Variants in SPINK5 observed in about 807,000 individuals in gnomAD.
SPINK5 encodes serine peptidase inhibitor Kazal type 5.
A neutral mutation model predicts 151.8 loss-of-function variants in SPINK5; 125 were observed. That is an observed-to-expected ratio of 0.82 (90% CI 0.71 to 0.96). The LOEUF is 0.96. Among genes scored for constraint, SPINK5 ranks in the 40% least tolerant of loss-of-function variants. SPINK5 has a pLI of 0.00. For missense variants in SPINK5, 1,194 were observed against 1,291.9 expected (o/e 0.92, Z 1.16); for synonymous variants, 374 against 395.3 (o/e 0.95, Z 0.64).
rs578158026 is a variant in SPINK5, at chr5:148,131,260, A to C, written c.2966A>C (p.Asp989Ala). ...EDSPDSFSSL[D>A]SEMCKDYRVL... ...CTGCTTTATTTTTTGCTTCTTCAGG[A>C]TTCTGAGATGTGCAAAGACTACCGA... The change falls in exon 31 of 33, where the codon GAT (aspartate) becomes GCT (alanine). Residue 989 changes from aspartate (D) to alanine (A), a missense_variant and splice_region_variant. Physicochemically the swap from Asp to Ala is moderately radical, Grantham distance 126. Coordinates refer to ENST00000256084, the MANE Select transcript of SPINK5 (RefSeq NM_006846.4). 1.8e-5 allele frequency: 29 copies of C among 1,613,734 alleles called. No individual in the cohort carries two copies. Among genetic ancestry groups the C allele is most frequent in the Non-Finnish European group, 2.3e-5 (27 of 1,179,696 alleles).
intron 6 of SPINK5, chr5:148,088,968 C>T (rs1055800006): frequency 2.1e-6 from 1 of 474,166 alleles, no homozygotes; most frequent in African/African-American, 2.0e-5. Flanking sequence ...GGACAAATTA[C>T]TTAACCTAAA....
At chr5:148,087,926 T>A (rs1034522123) in intron 5 of SPINK5, among the ~76,000 whole-genome samples, 16 of 143,236 alleles carry the variant, frequency 1.1e-4, no homozygotes, top group Non-Finnish European at 1.8e-4. Context: ...AAATATTTAG[T>A]TTTTTTCTTT....
intron 8 of SPINK5, among the ~76,000 whole-genome samples, chr5:148,093,834 C>T (rs1753380818): frequency 6.6e-6 from 1 of 151,808 alleles, no homozygotes; most frequent in Non-Finnish European, 1.5e-5. Context: ...TTTTAATAAA[C>T]CTACCACATA....
chr5:148,086,457 C>A lies in SPINK5; in HGVS notation c.335C>A (p.Pro112His). 6.2e-7 allele frequency: 1 copy of A among 1,611,786 alleles called. No homozygotes were observed. The highest frequency in any genetic ancestry group is 8.5e-7 in the Non-Finnish European group (1 of 1,178,738). Residue 112 changes from proline (P) to histidine (H), a missense_variant, in exon 5 of 33, where the codon CCT becomes CAT. By Grantham distance (77) the Pro-to-His change is moderately conservative (BLOSUM62 -2). Transcript: ENST00000256084. ...GAAAGAGATGGGGATTTTATCTGTC[C>A]TGATTATTATGAAGCTGTTTGTGGC... ...KGERDGDFIC[P>H]DYYEAVCGTD...
At chr5:148,120,722 C>T (rs1302510286) in intron 26 of SPINK5, among the ~76,000 whole-genome samples, 1 of 152,158 alleles carries the variant, frequency 6.6e-6, no homozygotes, top group African/African-American at 2.4e-5. Flanking sequence ...TTTGCCGGAG[C>T]TCAAGTCTCA....
chr5:148,130,784 A>C (rs1325908401), intron 30 of SPINK5, among the ~76,000 whole-genome samples: 4 of 152,152 alleles, frequency 2.6e-5, no homozygotes, highest in Non-Finnish European at 5.9e-5. Context: ...TCTGGTGAGA[A>C]AATTAAGGCT....
At chr5:148,089,251 T>G in intron 6 of SPINK5, 2 of 572,890 alleles carry the variant, frequency 3.5e-6, no homozygotes, top group Non-Finnish European at 6.6e-6. Context: ...AGGACTGTGC[T>G]CTGTCTGAGT....
intron 4 of SPINK5, among the ~76,000 whole-genome samples, chr5:148,072,866 T>TAAA (rs10628434): frequency 9.7e-5 from 14 of 143,862 alleles, no homozygotes; most frequent in African/African-American, 3.6e-4. Context: ...TGTTCTCTGG[T>TAAA]AAAAAAAAAA....
chr5:148,119,969 T>G, intron 24 of SPINK5, 40 bp from the exon 25 acceptor site: 3 of 1,610,190 alleles, frequency 1.9e-6, no homozygotes, highest in Middle Eastern at 3.3e-4. Context: ...AAATATTATG[T>G]AAAAACAGCA....
chr5:148,112,163 T>C lies in SPINK5; in HGVS notation c.1820+268T>C, dbSNP rs6887442. ...CACTGGAGTTAATGGCATAAAAGGA[T>C]TAGGACTTCTGTTCTCTGCAAGCAT... On this transcript the variant is annotated intron_variant, in intron 19 of 32. Transcript: ENST00000256084. 0.15 allele frequency among the ~76,000 whole-genome samples: 23,258 copies of C among 152,128 alleles called. 2,438 individuals carry two copies. The highest frequency in any genetic ancestry group is 0.32 in the East Asian group (1,660 of 5,156).
intron 2 of SPINK5, among the ~76,000 whole-genome samples, chr5:148,065,661 A>G (rs1020913681): frequency 1.3e-5 from 2 of 152,170 alleles, no homozygotes; most frequent in African/African-American, 4.8e-5. Flanking sequence ...AAAATAAATC[A>G]ACTGGAAAAC....
chr5:148,084,619 C>T (rs1753106037), intron 4 of SPINK5, among the ~76,000 whole-genome samples: 1 of 151,826 alleles, frequency 6.6e-6, no homozygotes, highest in Admixed American at 6.6e-5. Flanking sequence ...GAGTTAATTA[C>T]TTTGATCTGT....
chr5:148,067,193 A>G (rs1256120003), intron 2 of SPINK5, among the ~76,000 whole-genome samples: 2 of 152,192 alleles, frequency 1.3e-5, no homozygotes, highest in African/African-American at 4.8e-5. Flanking sequence ...TAACACTGAG[A>G]TAGGGCAATG....
intron 15 of SPINK5, among the ~76,000 whole-genome samples, chr5:148,103,946 A>G (rs1753714248): frequency 6.6e-6 from 1 of 152,200 alleles, no homozygotes; most frequent in Non-Finnish European, 1.5e-5. Context: ...CCAATCCACC[A>G]AGCTCAATTT....
intron 4 of SPINK5, among the ~76,000 whole-genome samples, chr5:148,084,974 TTCTC>T (rs943793813): frequency 6.6e-6 from 1 of 151,666 alleles, no homozygotes; most frequent in Non-Finnish European, 1.5e-5. Context: ...TTCCATTTTT[TTCTC>T]TCTCTCTCTT....
chr5:148,072,244 G>A, intron 4 of SPINK5, 24 bp downstream of exon 4: 1 of 1,607,708 alleles, frequency 6.2e-7, no homozygotes, highest in Non-Finnish European at 8.5e-7. Flanking sequence ...GAGCCAACCT[G>A]TTTACTTTTG....
intron 4 of SPINK5, among the ~76,000 whole-genome samples, chr5:148,077,593 T>C (rs1752916080): frequency 6.8e-6 from 1 of 146,878 alleles, no homozygotes; most frequent in Non-Finnish European, 1.5e-5. Flanking sequence ...TTAAAAGAAA[T>C]AATCTTAATA....
intron 7 of SPINK5, 137 bp downstream of exon 7, chr5:148,089,758 A>C: frequency 1.6e-5 from 20 of 1,252,852 alleles, no homozygotes; most frequent in Non-Finnish European, 1.9e-5. Context: ...AGCCTTTCTC[A>C]CAGAAAGGCT....
intron 24 of SPINK5, 145 bp from the exon 25 acceptor site, chr5:148,119,864 C>T (rs1027896730): frequency 6.2e-6 from 5 of 801,338 alleles, no homozygotes; most frequent in African/African-American, 1.7e-5. Flanking sequence ...AGAACATAGA[C>T]GTCTCTCTCT....
Sources: gnomAD v4.1 joint callset for allele counts (sites outside exome capture counted in the v4.1 genomes callset) on GRCh38, gnomAD v4.1.1 for gene constraint, MANE v1.5 for transcripts, NCBI Gene and HGNC (gene_info 2026-07-23, HGNC 2026-07-21) for gene names.